Variants in PTPRA observed in about 807,000 individuals in gnomAD.
PTPRA encodes protein tyrosine phosphatase receptor type A, also known as receptor-type tyrosine-protein phosphatase alpha.
Under a neutral mutation model 104.8 loss-of-function variants are expected in PTPRA, and 25 were observed. The ratio of observed to expected loss-of-function variants is 0.24; its 90% CI spans 0.17 to 0.33. The LOEUF (loss-of-function observed/expected upper bound fraction) is 0.33. PTPRA is among the 10% of genes least tolerant of loss of function. PTPRA has a pLI of 1.00. For missense variants in PTPRA, 765 were observed against 1,015.3 expected (o/e 0.75, Z 3.35); for synonymous variants, 323 against 368.9 (o/e 0.88, Z 1.43).
chr20:3,016,469 CG>C (rs1189600765), intron 12 of PTPRA, among the ~76,000 whole-genome samples: 4 of 152,156 alleles, frequency 2.6e-5, no homozygotes, highest in Admixed American at 6.5e-5. Context: ...TAATTGAGGC[CG>C]GGCAGGGTGG....
Position 3,033,825 on chromosome 20 carries a change from G to A in PTPRA, c.1921-1760G>A, listed in dbSNP as rs188289118. Among the ~76,000 whole-genome samples the A allele has an allele frequency of 2.1e-4, 31 of 151,030 alleles. No individual in the cohort carries two copies. In the East Asian group the frequency reaches 3.3e-3, roughly 16 times the overall value. On this transcript the variant is annotated intron_variant, in intron 20 of 23. Coordinates refer to ENST00000399903, the MANE Select transcript of PTPRA (RefSeq NM_001385305.1). Reference sequence around the variant, plus strand: ...TGAGGCAGGAGAATCACTTGAACCCGGGAGCCGGAGGTTGCAGTGAGCCAA... The same window carrying A: ...TGAGGCAGGAGAATCACTTGAACCCAGGAGCCGGAGGTTGCAGTGAGCCAA...
At chr20:2,996,330 A>G (rs2063392409) in intron 9 of PTPRA, among the ~76,000 whole-genome samples, 1 of 152,228 alleles carries the variant, frequency 6.6e-6, no homozygotes, top group Admixed American at 6.5e-5. Flanking sequence ...TGATTGGCTC[A>G]GTATCAGTCA....
chr20:3,001,092 C>T (rs572663761), intron 9 of PTPRA, among the ~76,000 whole-genome samples: 1 of 152,286 alleles, frequency 6.6e-6, no homozygotes, highest in African/African-American at 2.4e-5. Flanking sequence ...AAACGGTCTT[C>T]GATGCCACCT....
At chr20:2,947,787 C>T (rs1169240025) in intron 2 of PTPRA, among the ~76,000 whole-genome samples, 195 bp from the exon 3 acceptor site, 1 of 152,038 alleles carries the variant, frequency 6.6e-6, no homozygotes, top group Non-Finnish European at 1.5e-5. Flanking sequence ...TTAGTGTCTG[C>T]CAGTATCTGA....
intron 3 of PTPRA, among the ~76,000 whole-genome samples, chr20:2,958,740 G>C (rs1411223651): frequency 6.6e-6 from 1 of 150,696 alleles, no homozygotes; most frequent in Non-Finnish European, 1.5e-5. Context: ...CCAGCTACTT[G>C]GGAGGCTGAG....
intron 6 of PTPRA, among the ~76,000 whole-genome samples, chr20:2,980,617 AG>A (rs1490125380): frequency 6.6e-6 from 1 of 152,156 alleles, no homozygotes; most frequent in Admixed American, 6.6e-5. Context: ...TGGGAGGCCA[AG>A]GCAAGAAGAT....
At chr20:2,886,445 A>G (rs2090389053) in intron 1 of PTPRA, among the ~76,000 whole-genome samples, 1 of 152,128 alleles carries the variant, frequency 6.6e-6, no homozygotes, top group Admixed American at 6.6e-5. Flanking sequence ...TTATTATAGT[A>G]TTTTCTCTAC....
intron 1 of PTPRA, among the ~76,000 whole-genome samples, chr20:2,904,000 G>C (rs2059326229): frequency 6.6e-6 from 1 of 152,008 alleles, no homozygotes; most frequent in Non-Finnish European, 1.5e-5. Context: ...AATCTCCTGG[G>C]CTCCAGCAGT....
At chr20:2,878,714 A>G (rs1352831655) in intron 1 of PTPRA, among the ~76,000 whole-genome samples, 3 of 152,216 alleles carry the variant, frequency 2.0e-5, no homozygotes, top group Admixed American at 6.5e-5. Context: ...AGTTTCCAGC[A>G]CTATCAGCAA....
At chr20:3,000,533 G>A (rs1040905783) in intron 9 of PTPRA, among the ~76,000 whole-genome samples, 2 of 152,144 alleles carry the variant, frequency 1.3e-5, no homozygotes, top group African/African-American at 4.8e-5. Flanking sequence ...GGCCTTATCT[G>A]GTAAGGTTAA....
rs111568877 is a variant in PTPRA at position 3,013,154 on chromosome 20, C to T, written c.907-2695C>T. Among the ~76,000 whole-genome samples the T allele has an allele frequency of 6.3e-3, 928 of 146,876 alleles. 14 individuals are homozygous for T. The highest frequency in any genetic ancestry group is 0.034 in the Middle Eastern group (10 of 292). ...AATACAATTAATCTCCATTCTCACC[C>T]CCCGGCCATCACTTAACTTTTTGCG... On this transcript the variant is annotated intron_variant, in intron 11 of 23. Transcript: ENST00000399903.
intron 1 of PTPRA, among the ~76,000 whole-genome samples, chr20:2,888,371 G>A (rs891497182): frequency 1.3e-5 from 2 of 151,972 alleles, no homozygotes; most frequent in African/African-American, 2.4e-5. Context: ...ACCAGCCTGG[G>A]CAACATAGTG....
intron 1 of PTPRA, among the ~76,000 whole-genome samples, chr20:2,910,582 TTTTTTTG>T (rs2059673208): frequency 1.4e-5 from 1 of 73,708 alleles, no homozygotes; most frequent in African/African-American, 6.0e-5. Flanking sequence ...CAGCTAGTTT[TTTTTTTG>T]TTTTTTTTTT....
chr20:2,969,287 G>A (rs562011125), intron 5 of PTPRA, among the ~76,000 whole-genome samples: 2 of 149,354 alleles, frequency 1.3e-5, no homozygotes, highest in African/African-American at 2.5e-5. Context: ...TCACCCTGTC[G>A]CCCAGTCTGG....
intron 1 of PTPRA, among the ~76,000 whole-genome samples, chr20:2,910,627 A>G (rs1270196061): frequency 2.9e-5 from 1 of 34,862 alleles, no homozygotes; most frequent in Non-Finnish European, 5.1e-5. Flanking sequence ...TTTTTTTTTT[A>G]AGACGGAGTC....
intron 17 of PTPRA, 122 bp downstream of exon 17, chr20:3,024,743 G>A (rs941607238): frequency 1.7e-6 from 2 of 1,210,044 alleles, no homozygotes; most frequent in African/African-American, 1.5e-5. Flanking sequence ...AGTGGTTAAG[G>A]AGATGGTCCT....
rs1401773442 is a variant in PTPRA, at chr20:2,923,228, A to C, written c.-107A>C. Reference sequence around the variant, plus strand: ...GCAGGTGACACAACTAAAAAAAAACAAAGGTATTTATGGAATTCCACTGAG... The same window carrying C: ...GCAGGTGACACAACTAAAAAAAAACCAAGGTATTTATGGAATTCCACTGAG... On this transcript the variant is annotated 5_prime_UTR_variant, in exon 2 of 24. Transcript: ENST00000399903. The C allele has an allele frequency of 7.9e-7, 1 of 1,260,276 alleles. No homozygotes were observed. The highest frequency in any genetic ancestry group is 1.0e-6 in the Non-Finnish European group (1 of 973,394). The allele number at this position is 1,260,276 out of a possible 1,614,324, so 78.1% of individuals were successfully genotyped here.
intron 5 of PTPRA, among the ~76,000 whole-genome samples, chr20:2,972,743 C>T (rs2148006000): frequency 1.3e-5 from 2 of 151,426 alleles, no homozygotes; most frequent in Middle Eastern, 3.4e-3. Context: ...TTAAGACAGG[C>T]TTTTTCACTG....
intron 2 of PTPRA, among the ~76,000 whole-genome samples, chr20:2,923,838 C>T (rs1031557290): frequency 6.6e-6 from 1 of 152,016 alleles, no homozygotes; most frequent in Non-Finnish European, 1.5e-5. Context: ...TAATGCCCTG[C>T]CAGCATTGAA....
Sources: gnomAD v4.1 joint callset for allele counts (sites outside exome capture counted in the v4.1 genomes callset) on GRCh38, gnomAD v4.1.1 for gene constraint, MANE v1.5 for transcripts, NCBI Gene and HGNC (gene_info 2026-07-23, HGNC 2026-07-21) for gene names.